The following CHTF8 variants were observed in gnomAD, a reference collection of about 807,000 sequenced individuals.
The protein encoded by CHTF8 is chromosome transmission fidelity protein 8 homolog.
CHTF8 carries 6 observed loss-of-function variants against 11.0 expected under a neutral mutation model. The observed-to-expected ratio is 0.55, with a 90% CI of 0.30 to 1.08. CHTF8 has a LOEUF of 1.08. Among genes scored for constraint, CHTF8 ranks in the 50% least tolerant of loss-of-function variants. The pLI is 0.07. For missense variants in CHTF8, 140 were observed against 153.1 expected, an observed-to-expected ratio of 0.91 and a Z score of 0.45; for synonymous variants, 53 against 60.5, an observed-to-expected ratio of 0.88 and a Z score of 0.57.
chr16:69,121,240 A>G (rs977723849), intron 2 of CHTF8, 70 bp from the exon 3 acceptor site: 4 of 1,438,710 alleles, frequency 2.8e-6, no homozygotes, highest in Non-Finnish European at 3.9e-6. Flanking sequence ...TCACACCACC[A>G]TTTGAGGCCC....
Position 69,118,682 on chromosome 16 carries a change from A to ACAT in CHTF8, c.*1740_*1742dup. 2 of 670,546 alleles carry ACAT rather than the reference A, an allele frequency of 3.0e-6. No homozygotes were observed. Among genetic ancestry groups the ACAT allele is most frequent in the Non-Finnish European group, 2.7e-6 (1 of 370,042 alleles). 41.5% of individuals were successfully genotyped at this position (670,546 alleles called of 1,614,324 possible). On this transcript the variant is annotated 3_prime_UTR_variant, in exon 4 of 4. Coordinates refer to ENST00000448552, the MANE Select transcript of CHTF8 (RefSeq NM_001039690.5). ...TGCCACAGTTCACATGCCACAAATA[A>ACAT]CATCTCACCTTCAGTCAAGAAAAAC... is the stretch of plus-strand genomic sequence containing the variant.
intron 1 of CHTF8, 69 bp downstream of exon 1, chr16:69,132,415 C>T: frequency 6.0e-6 from 1 of 167,742 alleles, no homozygotes. Context: ...CTCCCTCGCG[C>T]CCTCGCCCCC....
chr16:69,126,827 C>T (rs1962092615), intron 1 of CHTF8, among the ~76,000 whole-genome samples: 1 of 152,106 alleles, frequency 6.6e-6, no homozygotes, highest in Non-Finnish European at 1.5e-5. Flanking sequence ...TTTCTTGCTC[C>T]TTGAGATTCT....
At chr16:69,131,335 C>G (rs976308883) in intron 1 of CHTF8, 1 of 152,122 alleles carries the variant, frequency 6.6e-6, no homozygotes, top group Non-Finnish European at 1.5e-5. Context: ...TGGCTTCAGT[C>G]GATCTGAGTT....
chr16:69,121,160 C>T lies in CHTF8; in HGVS notation c.34G>A (p.Gly12Arg). The change falls in exon 3 of 4, where the codon GGA becomes AGA. Residue 12 changes from glycine (G) to arginine (R), a missense_variant. Gly to Arg is a moderately radical substitution (Grantham distance 125). Transcript: ENST00000448552. ...VQIVISSARA[G>R]GLAEWVLMEL... Reference sequence around the variant, plus strand: ...ATCAGCACCCATTCTGCCAGGCCTCCAGCCCTCGCACTGCAAGCAAAGGGC... The same window carrying T: ...ATCAGCACCCATTCTGCCAGGCCTCTAGCCCTCGCACTGCAAGCAAAGGGC... The T allele has an allele frequency of 6.2e-7, 1 of 1,612,904 alleles. No homozygotes were observed. Among genetic ancestry groups the T allele is most frequent in the Non-Finnish European group, 8.5e-7 (1 of 1,179,810 alleles).
At position 69,118,938 on chromosome 16, in the gene CHTF8, G is replaced by T. The variant is rs558567643; in HGVS notation, c.*1487C>A. On this transcript the variant is annotated 3_prime_UTR_variant, in exon 4 of 4. Transcript: ENST00000448552. ...AAGCAGCTGGGTTTGTGCCAGGGAG[G>T]CTCCCCACTCTAGGAAATGGGACGA... is the stretch of plus-strand genomic sequence containing the variant. 1 of 703,078 alleles carries T rather than the reference G, an allele frequency of 1.4e-6. No individual in the cohort carries two copies. The highest frequency in any genetic ancestry group is 2.0e-5 in the Admixed American group (1 of 50,020). 43.6% of individuals were successfully genotyped at this position (703,078 alleles called of 1,614,324 possible).
Position 69,119,514 on chromosome 16 carries a change from G to A in CHTF8, c.*911C>T, listed in dbSNP as rs1051030771. 6 of 702,746 alleles carry A rather than the reference G, an allele frequency of 8.5e-6. No homozygotes were observed. The highest frequency in any genetic ancestry group is 1.6e-5 in the Non-Finnish European group (6 of 384,984). The allele number at this position is 702,746 out of a possible 1,614,324, so 43.5% of individuals were successfully genotyped here. A position where few individuals can be genotyped will look rare whatever the true frequency, so the allele number is the denominator to read the frequency against. On this transcript the variant is annotated 3_prime_UTR_variant, in exon 4 of 4. Coordinates refer to ENST00000448552, the MANE Select transcript of CHTF8 (RefSeq NM_001039690.5). ...CCATGGGGCCAGGTACTCTTGCCAT[G>A]GAGGATGGGCTTGTGCCCATGTTTC...
chr16:69,121,824 C>T (rs1050023894), intron 1 of CHTF8, among the ~76,000 whole-genome samples: 2 of 152,072 alleles, frequency 1.3e-5, no homozygotes, highest in African/African-American at 2.4e-5. Context: ...CCCGCCACCA[C>T]GGCCGGCTAA....
Position 69,119,146 on chromosome 16 carries a change from G to C in CHTF8, c.*1279C>G, listed in dbSNP as rs545857775. The C allele has an allele frequency of 7.1e-6, 5 of 703,012 alleles. No homozygotes were observed. The South Asian group carries it at 7.4e-5, about 10-fold the overall frequency. The allele number at this position is 703,012 out of a possible 1,614,324, so 43.5% of individuals were successfully genotyped here. A position where few individuals can be genotyped will look rare whatever the true frequency, so the allele number is the denominator to read the frequency against. On this transcript the variant is annotated 3_prime_UTR_variant, in exon 4 of 4. Coordinates refer to ENST00000448552, the MANE Select transcript of CHTF8 (RefSeq NM_001039690.5). ...AGGGCCTAATGGGCCAGTAGACCTT[G>C]GGAAGGTAGTTGGACTTGGACCCTG...
intron 1 of CHTF8, among the ~76,000 whole-genome samples, chr16:69,122,063 G>C (rs1243452627): frequency 2.0e-5 from 3 of 152,206 alleles, no homozygotes; most frequent in African/African-American, 7.2e-5. Context: ...TGGGATTACA[G>C]GTGTGAGCCA....
intron 2 of CHTF8, 121 bp downstream of exon 2, chr16:69,121,315 G>T (rs1368833567): frequency 8.3e-7 from 1 of 1,207,686 alleles, no homozygotes; most frequent in Non-Finnish European, 1.2e-6. Flanking sequence ...TGGAACTAGA[G>T]ATCAGAATGC....
intron 1 of CHTF8, among the ~76,000 whole-genome samples, chr16:69,126,711 T>C (rs1962084650): frequency 6.6e-6 from 1 of 152,224 alleles, no homozygotes; most frequent in Non-Finnish European, 1.5e-5. Context: ...CACGTGGGTG[T>C]ATTTACTACT....
In CHTF8 at chr16:69,119,859, C is replaced by G. The variant is rs1036538868; in HGVS notation, c.*566G>C. On this transcript the variant is annotated 3_prime_UTR_variant, in exon 4 of 4. Coordinates refer to ENST00000448552, the MANE Select transcript of CHTF8 (RefSeq NM_001039690.5). Reference sequence around the variant, plus strand: ...TGGGAGGACCATTCCCAGAGGTTAACAGAACACCGGCTCTCAGGTTAGGTC... The same window carrying G: ...TGGGAGGACCATTCCCAGAGGTTAAGAGAACACCGGCTCTCAGGTTAGGTC... The G allele has an allele frequency of 4.3e-6, 3 of 701,342 alleles. No individual in the cohort carries two copies. Among genetic ancestry groups the G allele is most frequent in the East Asian group, 2.7e-5 (1 of 37,268 alleles). The allele number at this position is 701,342 out of a possible 1,614,324, so 43.4% of individuals were successfully genotyped here. A position where few individuals can be genotyped will look rare whatever the true frequency, so the allele number is the denominator to read the frequency against.
chr16:69,118,278 CCAGT>C lies in CHTF8; in HGVS notation c.*2143_*2146del, dbSNP rs1284684739. 5 of 915,596 alleles carry C rather than the reference CCAGT, an allele frequency of 5.5e-6. No homozygotes were observed. Among genetic ancestry groups the C allele is most frequent in the Non-Finnish European group, 7.2e-6 (4 of 551,764 alleles). 56.7% of individuals were successfully genotyped at this position (915,596 alleles called of 1,614,324 possible). On this transcript the variant is annotated 3_prime_UTR_variant, in exon 4 of 4. Transcript: ENST00000448552. ...GTCCCAGGAGAAGGGAGCTGCAGGC[CCAGT>C]CAGTCAAGCAGAAACTGCATTCGGT...
chr16:69,124,112 A>G (rs1961887050), intron 1 of CHTF8, among the ~76,000 whole-genome samples: 1 of 143,348 alleles, frequency 7.0e-6, no homozygotes, highest in Non-Finnish European at 1.5e-5. Flanking sequence ...TCAAAGGGGA[A>G]AAAAAAAAAA....
At chr16:69,127,551 C>A (rs1391356443) in intron 1 of CHTF8, among the ~76,000 whole-genome samples, 1 of 148,812 alleles carries the variant, frequency 6.7e-6, no homozygotes, top group Non-Finnish European at 1.5e-5. Context: ...ATACGCTATA[C>A]ATGAAGTCAA....
In CHTF8 at chr16:69,120,921, C is replaced by T. The variant is rs1260419939; in HGVS notation, c.141+132G>A. On this transcript the variant is annotated intron_variant, in intron 3 of 3. Transcript: ENST00000448552. This position sits in a 1 kb window ranked among gnomAD's most constrained non-coding sequence, Gnocchi z 4.0. ...ACTGCAGAGGTAGGGGGAGAACAAG[C>T]AGAGAGCATCGCAGATTAGCTAGGC... The T allele has an allele frequency of 1.2e-6, 1 of 839,096 alleles. No individual in the cohort carries two copies. The highest frequency in any genetic ancestry group is 1.7e-5 in the Admixed American group (1 of 57,544). 52.0% of individuals were successfully genotyped at this position (839,096 alleles called of 1,614,324 possible).
chr16:69,118,278 C>CCAGT lies in CHTF8; in HGVS notation c.*2143_*2146dup, dbSNP rs1284684739. On this transcript the variant is annotated 3_prime_UTR_variant, in exon 4 of 4. Coordinates refer to ENST00000448552, the MANE Select transcript of CHTF8 (RefSeq NM_001039690.5). The stretch of plus-strand genomic sequence containing the variant: ...GTCCCAGGAGAAGGGAGCTGCAGGC[C>CCAGT]CAGTCAGTCAAGCAGAAACTGCATT... 3.3e-6 allele frequency: 3 copies of CCAGT among 915,596 alleles called. No homozygotes were observed. Among genetic ancestry groups the CCAGT allele is most frequent in the African/African-American group, 1.6e-5 (1 of 61,232 alleles). 56.7% of individuals were successfully genotyped at this position (915,596 alleles called of 1,614,324 possible).
At position 69,118,364 on chromosome 16, in the gene CHTF8, A is replaced by T. The variant is rs1961324872; in HGVS notation, c.*2061T>A. On this transcript the variant is annotated 3_prime_UTR_variant, in exon 4 of 4. Transcript: ENST00000448552. ...CTGTTCTGTGTTCAAGCCCCCAGGG[A>T]AAGGTATGGCAGTAGAGGATGACCA... 1.2e-5 allele frequency: 20 copies of T among 1,605,262 alleles called. No homozygotes were observed. Among genetic ancestry groups the T allele is most frequent in the Non-Finnish European group, 1.5e-5 (18 of 1,172,074 alleles).
Sources: gnomAD v4.1 joint callset for allele counts (sites outside exome capture counted in the v4.1 genomes callset) on GRCh38, gnomAD v4.1.1 for gene constraint, Gnocchi (gnomAD v3.1) non-coding constraint, MANE v1.5 for transcripts, NCBI Gene and HGNC (gene_info 2026-07-23, HGNC 2026-07-21) for gene names.